Variants in AGRN observed in about 807,000 individuals in gnomAD.
AGRN encodes agrin.
AGRN carries 106 observed loss-of-function variants against 211.0 expected under a neutral mutation model. The observed-to-expected ratio is 0.50, with a 90% CI of 0.43 to 0.59. AGRN has a LOEUF of 0.59. Ranked by LOEUF, AGRN falls within the 20% of genes least tolerant of loss-of-function variation. The pLI is 0.00. For synonymous variants in AGRN, 1,525 were observed against 1,332.5 expected (o/e 1.14, Z -3.15); for missense variants, 3,040 against 2,982.6 (o/e 1.02, Z -0.45).
At chr1:1,051,911 C>T (rs1645305297) in intron 33 of AGRN, 96 bp downstream of exon 33, 15 of 1,551,652 alleles carry the variant, frequency 9.7e-6, no homozygotes, top group Admixed American at 2.0e-5. Flanking sequence ...GGGGACGGCC[C>T]GGTGCTGCCA....
chr1:1,027,383 G>A (rs1644543875), intron 2 of AGRN, among the ~76,000 whole-genome samples: 1 of 152,212 alleles, frequency 6.6e-6, no homozygotes, highest in African/African-American at 2.4e-5. Context: ...GCCCGGGCTG[G>A]TGCTGCAGGT....
At chr1:1,027,320 T>C (rs571261053) in intron 2 of AGRN, among the ~76,000 whole-genome samples, 8 of 152,350 alleles carry the variant, frequency 5.3e-5, no homozygotes, top group African/African-American at 1.9e-4. Flanking sequence ...GAATTCTGCC[T>C]GGAGCCTCCA....
In AGRN at chr1:1,043,587, G is replaced by A; in HGVS notation, c.1653G>A (p.Gly551=). 1.4e-5 allele frequency: 22 copies of A among 1,605,084 alleles called. No individual in the cohort carries two copies. Among genetic ancestry groups the A allele is most frequent in the Non-Finnish European group, 1.8e-5 (21 of 1,179,794 alleles). ...RFGALCEAET[G]RCVCPSECVA... is the part of the protein sequence containing the mutation. ...GAGCCCTGTGCGAGGCCGAGACCGGGCGCTGCGTGTGCCCCTCTGAATGCG... is the reference window on the plus strand; with the variant it reads ...GAGCCCTGTGCGAGGCCGAGACCGGACGCTGCGTGTGCCCCTCTGAATGCG... Residue 551 remains glycine, a synonymous_variant, in exon 9 of 36, where the codon GGG becomes GGA. Coordinates refer to ENST00000379370, the MANE Select transcript of AGRN (RefSeq NM_198576.4).
chr1:1,052,537 G>T (rs974170105), intron 33 of AGRN: 13 of 230,936 alleles, frequency 5.6e-5, no homozygotes, highest in African/African-American at 1.8e-4. Flanking sequence ...GTGCATATGG[G>T]TCCATGTATG....
intron 14 of AGRN, 42 bp downstream of exon 14, chr1:1,045,565 C>G: frequency 1.2e-6 from 2 of 1,608,698 alleles, no homozygotes; most frequent in South Asian, 2.2e-5. Flanking sequence ...CTATGCCCTC[C>G]TACCTGTTCA....
In AGRN at chr1:1,022,118, A is replaced by G. The variant is rs1326899190; in HGVS notation, c.202-83A>G. 5.2e-6 allele frequency: 8 copies of G among 1,550,104 alleles called. 1 individual carries two copies. Among genetic ancestry groups the G allele is most frequent in the Non-Finnish European group, 7.1e-6 (8 of 1,128,220 alleles). On this transcript the variant is annotated intron_variant, in intron 1 of 35. Coordinates refer to ENST00000379370, the MANE Select transcript of AGRN (RefSeq NM_198576.4). ...CCCAGGGCTTGAGTCTACTGTGGAC[A>G]TTTGCCCTAAACACCTAAAGCCCCC...
Position 1,050,533 on chromosome 1 carries a change from C to T in AGRN, c.5083C>T (p.Leu1695=), listed in dbSNP as rs779942984. ...CAAGGGGGACTTCGTGTCGCTGGCA[C>T]TGCGGGACCGCCGCCTGGAGTTCCG... ...DGKGDFVSLA[L]RDRRLEFRYD... Residue 1695 remains leucine, a synonymous_variant, in exon 29 of 36, where the codon CTG becomes TTG. Coordinates refer to ENST00000379370, the MANE Select transcript of AGRN (RefSeq NM_198576.4). The T allele has an allele frequency of 1.2e-6, 2 of 1,612,748 alleles. No homozygotes were observed. Among genetic ancestry groups the T allele is most frequent in the South Asian group, 1.1e-5 (1 of 91,066 alleles).
At chr1:1,027,962 G>A (rs1018043383) in intron 2 of AGRN, among the ~76,000 whole-genome samples, 9 of 152,148 alleles carry the variant, frequency 5.9e-5, no homozygotes, top group Admixed American at 5.2e-4. Context: ...GCCCACGGCC[G>A]CCCCGGCCCA....
Position 1,051,286 on chromosome 1 carries a change from C to T in AGRN, c.5287C>T (p.Leu1763Phe). Residue 1763 changes from leucine (L) to phenylalanine (F), a missense_variant, in exon 31 of 36, where the codon CTC becomes TTC. Coordinates refer to ENST00000379370, the MANE Select transcript of AGRN (RefSeq NM_198576.4). ...PHTVLNLKEP[L>F]YVGGAPDFSK... is the part of the protein sequence containing the mutation. ...CACCGTCCTCAACCTGAAGGAGCCG[C>T]TCTACGTAGGGGGCGCTCCCGACTT... 2 of 1,577,890 alleles carry T rather than the reference C, an allele frequency of 1.3e-6. No homozygotes were observed. The highest frequency in any genetic ancestry group is 2.3e-5 in the East Asian group (1 of 43,160).
rs1415389720 is a variant in AGRN, at chr1:1,047,788, G to T, written c.3644G>T (p.Arg1215Met). 1 of 1,606,938 alleles carries T rather than the reference G, an allele frequency of 6.2e-7. No homozygotes were observed. The highest frequency in any genetic ancestry group is 8.5e-7 in the Non-Finnish European group (1 of 1,177,256). The stretch of plus-strand genomic sequence containing the variant: ...CCCTCCTCCCCAGCCACAGCCTTCA[G>T]GGCACCCGACGTGGCCCGGGCCCTG... Reference protein sequence around the residue: ...DVHFDPTTAFRAPDVARALLR... With the variant: ...DVHFDPTTAFMAPDVARALLR... The change falls in exon 22 of 36, where the codon AGG becomes ATG. Residue 1215 changes from arginine (R) to methionine (M), a missense_variant. By Grantham distance (91) the Arg-to-Met change is moderately conservative. Around this residue, in one of 3 missense-constraint regions of AGRN, gnomAD observed 1,537 missense variants for 1,505.0 expected, o/e 1.02. Coordinates refer to ENST00000379370, the MANE Select transcript of AGRN (RefSeq NM_198576.4).
At chr1:1,040,989 C>G in intron 4 of AGRN, 109 bp downstream of exon 4, 1 of 291,108 alleles carries the variant, frequency 3.4e-6, no homozygotes, top group Non-Finnish European at 5.3e-6. Context: ...GGGCGGGGCC[C>G]GGCGGGGAGG....
At position 1,053,990 on chromosome 1, in the gene AGRN, C is replaced by A. The variant is rs1047046075; in HGVS notation, c.5876+13C>A. The A allele has an allele frequency of 9.5e-6, 15 of 1,582,458 alleles. No individual in the cohort carries two copies. Among genetic ancestry groups the A allele is most frequent in the South Asian group, 1.1e-5 (1 of 87,280 alleles). On this transcript the variant is annotated intron_variant, in intron 34 of 35. Transcript: ENST00000379370. ...TCGTGGCACATAGGTGAGTAGGGAA[C>A]CCAGCGTGCCGAGAATAGTGGCGAG...
chr1:1,027,257 C>T (rs888006258), intron 2 of AGRN, among the ~76,000 whole-genome samples: 92 of 152,198 alleles, frequency 6.0e-4, no homozygotes, highest in African/African-American at 2.1e-3. Flanking sequence ...TGTGTGTACA[C>T]GCATGTGTGT....
At chr1:1,041,724 G>A (rs1364217187) in intron 6 of AGRN, 22 bp downstream of exon 6, 2 of 1,565,596 alleles carry the variant, frequency 1.3e-6, no homozygotes, top group East Asian at 2.4e-5. Context: ...CCCCGGGGGA[G>A]GGCTCCGGCC....
At chr1:1,051,064 G>T (rs954334869) in intron 30 of AGRN, 189 bp from the exon 31 acceptor site, 2 of 1,547,864 alleles carry the variant, frequency 1.3e-6, no homozygotes, top group African/African-American at 2.7e-5. Context: ...CCTCTCATCC[G>T]CTCACCGTCT....
In AGRN at chr1:1,043,683, C is replaced by A. The variant is rs777039259; in HGVS notation, c.1749C>A (p.His583Gln). 6.2e-7 allele frequency: 1 copy of A among 1,600,706 alleles called. No homozygotes were observed. The highest frequency in any genetic ancestry group is 2.2e-5 in the East Asian group (1 of 44,882). Reference protein sequence around the residue: ...TYPSECMLHVHACTHQISLHV... With the variant: ...TYPSECMLHVQACTHQISLHV... ...CCAGCGAGTGCATGCTGCACGTGCA[C>A]GCCTGCACACACCAGATCAGCCTGC... Residue 583 changes from histidine to glutamine, a missense_variant, in exon 9 of 36, where the codon CAC becomes CAA. Physicochemically the swap from His to Gln is conservative, Grantham distance 24. Transcript: ENST00000379370.
At chr1:1,054,716 C>G in intron 35 of AGRN, 108 bp from the exon 36 acceptor site, 3 of 1,497,976 alleles carry the variant, frequency 2.0e-6, no homozygotes, top group Non-Finnish European at 2.7e-6. Context: ...GCTGTGGGGC[C>G]GGGAGGCGGG....
chr1:1,033,194 CG>C (rs1233036778), intron 2 of AGRN, among the ~76,000 whole-genome samples: 1 of 152,046 alleles, frequency 6.6e-6, no homozygotes, highest in Non-Finnish European at 1.5e-5. Flanking sequence ...GCGCGGGAGT[CG>C]GGGGCGCCGG....
intron 2 of AGRN, 87 bp downstream of exon 2, chr1:1,022,549 C>T (rs931596436): frequency 1.7e-5 from 21 of 1,232,276 alleles, no homozygotes; most frequent in Non-Finnish European, 2.2e-5. Context: ...TGTGCGGGGT[C>T]CTTTCGTGCT....
Sources: allele counts gnomAD v4.1 joint callset (sites outside exome capture counted in the v4.1 genomes callset), GRCh38; gene constraint gnomAD v4.1.1; regional missense constraint gnomAD v4.1.1; transcripts MANE v1.5; gene names NCBI Gene and HGNC (gene_info 2026-07-23, HGNC 2026-07-21).